ZFHX4: variants seen among roughly 807,000 people sequenced by gnomAD.
ZFHX4 encodes zinc finger homeobox 4, also known as zinc finger homeobox protein 4.
Under a neutral mutation model 267.6 loss-of-function variants are expected in ZFHX4, and 56 were observed. That is an observed-to-expected ratio of 0.21 (90% CI 0.17 to 0.26). The LOEUF (loss-of-function observed/expected upper bound fraction) is 0.26. Ranked by LOEUF, ZFHX4 falls within the 10% of genes least tolerant of loss-of-function variation. ZFHX4 has a pLI of 1.00. For synonymous variants in ZFHX4, 1,778 were observed against 1,665.6 expected, an observed-to-expected ratio of 1.07 and a Z score of -1.64; for missense variants, 4,332 against 4,420.0, an observed-to-expected ratio of 0.98 and a Z score of 0.56.
chr8:76,755,210 G>A (rs1159654564), intron 3 of ZFHX4, among the ~76,000 whole-genome samples: 1 of 151,904 alleles, frequency 6.6e-6, no homozygotes, highest in Admixed American at 6.6e-5. Flanking sequence ...TGATGTATTA[G>A]AATCTTTATA....
At chr8:76,719,030 C>T (rs1448452204) in intron 3 of ZFHX4, among the ~76,000 whole-genome samples, 22 of 150,536 alleles carry the variant, frequency 1.5e-4, no homozygotes, top group Admixed American at 1.1e-3. Context: ...GGATCTATTC[C>T]GATCTCCTGT....
chr8:76,795,417 G>A (rs544366901), intron 4 of ZFHX4, among the ~76,000 whole-genome samples: 5 of 152,026 alleles, frequency 3.3e-5, no homozygotes, highest in Admixed American at 6.6e-5. Context: ...TGCACCGTAG[G>A]CACACACCAC....
intron 4 of ZFHX4, among the ~76,000 whole-genome samples, chr8:76,817,569 A>T (rs1811538930): frequency 6.6e-6 from 1 of 152,166 alleles, no homozygotes; most frequent in South Asian, 2.1e-4. Context: ...ATGTGTTTGG[A>T]CTTCAAAGAA....
At chr8:76,713,290 T>C (rs201491032) in intron 3 of ZFHX4, among the ~76,000 whole-genome samples, 1 of 136,508 alleles carries the variant, frequency 7.3e-6, no homozygotes, top group African/African-American at 2.9e-5. Context: ...GAAAGATAGA[T>C]AGATAGATAG....
rs1342908576 is a variant in ZFHX4, at chr8:76,772,346, G to A, written c.3094-5862G>A. On this transcript the variant is annotated intron_variant, in intron 3 of 10. Transcript: ENST00000651372. ...GTAGATGAACTCAGATCTCAGAAAG[G>A]AAACCTGGGTAAGTAATAGAAATTT... is the stretch of plus-strand genomic sequence containing the variant. Among the ~76,000 whole-genome samples, 4 of 152,152 alleles carry A rather than the reference G, an allele frequency of 2.6e-5. No homozygotes were observed. In the East Asian group the frequency reaches 7.7e-4, roughly 29 times the overall value.
chr8:76,864,162 C>T lies in ZFHX4; in HGVS notation c.10448C>T (p.Ala3483Val). The change falls in exon 11 of 11, where the codon GCC (alanine) becomes GTC (valine). Residue 3483 changes from alanine (A) to valine (V), a missense_variant. Around this residue, in one of 7 missense-constraint regions of ZFHX4, gnomAD observed 1,648 missense variants for 1,625.0 expected, o/e 1.01. Coordinates refer to ENST00000651372, the MANE Select transcript of ZFHX4 (RefSeq NM_024721.5). ...EKTIKQAMRN[A>V]KEHVRLLPHS... The stretch of plus-strand genomic sequence containing the variant: ...ACAATCAAACAAGCAATGAGAAATG[C>T]CAAAGAGCATGTTAGATTATTACCT... 1 of 1,613,890 alleles carries T rather than the reference C, an allele frequency of 6.2e-7. No homozygotes were observed. Among genetic ancestry groups the T allele is most frequent in the Non-Finnish European group, 8.5e-7 (1 of 1,179,842 alleles).
rs181461840 is a variant in ZFHX4, at chr8:76,866,652, C to A, written c.*2087C>A. On this transcript the variant is annotated 3_prime_UTR_variant, in exon 11 of 11. Transcript: ENST00000651372. ...ATGTTAAGCAGCAGCATTGTGAGAT[C>A]GATCTGTCCTGGCAGTTAACACGAT... is the stretch of plus-strand genomic sequence containing the variant. 6.6e-6 allele frequency: 1 copy of A among 152,348 alleles called. No individual in the cohort carries two copies. Among genetic ancestry groups the A allele is most frequent in the African/African-American group, 2.4e-5 (1 of 41,362 alleles). The allele number at this position is 152,348 out of a possible 1,614,324, so 9.4% of individuals were successfully genotyped here.
chr8:76,842,848 C>A (rs1293888417), intron 6 of ZFHX4, 77 bp downstream of exon 6: 8 of 1,006,504 alleles, frequency 7.9e-6, no homozygotes, highest in South Asian at 1.6e-5. Flanking sequence ...CACCATCCCC[C>A]CACCCCACAA....
At chr8:76,775,453 A>G (rs979467092) in intron 3 of ZFHX4, among the ~76,000 whole-genome samples, 4 of 152,190 alleles carry the variant, frequency 2.6e-5, no homozygotes, top group African/African-American at 9.6e-5. Flanking sequence ...TCTGTGCCAA[A>G]AAAGCTTTCT....
chr8:76,856,035 C>A lies in ZFHX4; in HGVS notation c.9114C>A (p.Thr3038=). ...AGCACATTTCAAAAGTGAGGGAGAC[C>A]GTTGGCAGTCAGCTCGATCGGGAGA... ...SKQHISKVRE[T]VGSQLDREKD... is the part of the protein sequence containing the mutation. The change falls in exon 10 of 11, where the codon ACC becomes ACA. Residue 3038 remains threonine, a synonymous_variant. Coordinates refer to ENST00000651372, the MANE Select transcript of ZFHX4 (RefSeq NM_024721.5). 1.2e-6 allele frequency: 2 copies of A among 1,613,944 alleles called. No homozygotes were observed.
chr8:76,743,739 T>C (rs1198229616), intron 3 of ZFHX4, among the ~76,000 whole-genome samples: 2 of 152,208 alleles, frequency 1.3e-5, no homozygotes, highest in Non-Finnish European at 2.9e-5. Context: ...CATAGCTGTA[T>C]GCAAACACTT....
Position 76,704,794 on chromosome 8 carries a change from A to G in ZFHX4, c.706A>G (p.Arg236Gly). ...CCGTGTCTATGATCTCCGACACAAG[A>G]GAGAGAAAGACTATCTAACCAGTGA... ...SFRVYDLRHK[R>G]EKDYLTSDGS... Residue 236 changes from arginine to glycine, a missense_variant, in exon 2 of 11, where the codon AGA becomes GGA. Physicochemically the swap from Arg to Gly is moderately radical, Grantham distance 125 (BLOSUM62 -2). Transcript: ENST00000651372. 3 of 1,614,092 alleles carry G rather than the reference A, an allele frequency of 1.9e-6. No homozygotes were observed. Among genetic ancestry groups the G allele is most frequent in the Non-Finnish European group, 2.5e-6 (3 of 1,179,964 alleles).
chr8:76,838,847 G>A (rs1812158050), intron 5 of ZFHX4, among the ~76,000 whole-genome samples: 1 of 152,082 alleles, frequency 6.6e-6, no homozygotes. Flanking sequence ...TTGAGGCCAG[G>A]AGTTTGAAAC....
chr8:76,848,510 T>C (rs777039511), intron 6 of ZFHX4, among the ~76,000 whole-genome samples: 1 of 152,212 alleles, frequency 6.6e-6, no homozygotes, highest in African/African-American at 2.4e-5. Context: ...TTTCCGTTTT[T>C]AAATCCATTC....
rs535504739 is a variant in ZFHX4 at position 76,829,536 on chromosome 8, C to T, written c.3326-3802C>T. 2.2e-4 allele frequency among the ~76,000 whole-genome samples: 33 copies of T among 152,098 alleles called. No individual in the cohort carries two copies. In the East Asian group the frequency reaches 3.7e-3, roughly 17 times the overall value. ...GATTAAAAGGAATTGACCAGCCAGG[C>T]GCGGTGGTTCAAGCCTGTAATTCCA... On this transcript the variant is annotated intron_variant, in intron 4 of 10. Transcript: ENST00000651372.
chr8:76,708,359 A>T (rs1585868907), intron 3 of ZFHX4: 1 of 224,294 alleles, frequency 4.5e-6, no homozygotes, highest in Admixed American at 5.5e-5. Context: ...AAACCTATTG[A>T]TTTTTTTTTT....
At chr8:76,794,385 T>C (rs1381456092) in intron 4 of ZFHX4, among the ~76,000 whole-genome samples, 2 of 152,168 alleles carry the variant, frequency 1.3e-5, no homozygotes, top group East Asian at 3.9e-4. Flanking sequence ...GAGGTTCTTA[T>C]GCATTTCATG....
intron 1 of ZFHX4, among the ~76,000 whole-genome samples, chr8:76,698,514 A>G (rs1585857308): frequency 6.6e-6 from 1 of 152,108 alleles, no homozygotes; most frequent in African/African-American, 2.4e-5. Context: ...TAATAGTTAT[A>G]TACAGTCTAT....
At chr8:76,790,576 T>C (rs576727414) in intron 4 of ZFHX4, among the ~76,000 whole-genome samples, 2 of 152,292 alleles carry the variant, frequency 1.3e-5, no homozygotes, top group South Asian at 4.1e-4. Context: ...TGGCTTGAGA[T>C]AAAACTTTGA....
Sources: gnomAD v4.1 joint callset for allele counts (sites outside exome capture counted in the v4.1 genomes callset) on GRCh38, gnomAD v4.1.1 for gene constraint, gnomAD v4.1.1 regional missense constraint, MANE v1.5 for transcripts, NCBI Gene and HGNC (gene_info 2026-07-23, HGNC 2026-07-21) for gene names.